The following SHISA9 variants were observed in gnomAD, a reference collection of about 807,000 sequenced individuals.
SHISA9 encodes the protein protein shisa-9.
Under a neutral mutation model 38.0 loss-of-function variants are expected in SHISA9, and 13 were observed. That is an observed-to-expected ratio of 0.34 (90% CI 0.22 to 0.54). SHISA9 has a LOEUF of 0.54. SHISA9 is among the 20% of genes least tolerant of loss of function. SHISA9 has a pLI of 0.91. For synonymous variants in SHISA9, 275 were observed against 242.0 expected (o/e 1.14, Z -1.27); for missense variants, 538 against 575.8 (o/e 0.93, Z 0.67).
At chr16:12,903,943 T>C (rs995989607) in intron 1 of SHISA9, among the ~76,000 whole-genome samples, 99 of 132,750 alleles carry the variant, frequency 7.5e-4, no homozygotes, top group Non-Finnish European at 1.5e-3. Flanking sequence ...CCGATGAGAT[T>C]TTTTTTTTTC....
chr16:13,544,397 G>GT, the SHISA9 span, among the ~76,000 whole-genome samples: 1 of 133,756 alleles, frequency 7.5e-6, no homozygotes, highest in East Asian at 2.2e-4. Context: ...TAGTTTTTCG[G>GT]TTTTTTGTTT....
intron 2 of SHISA9, among the ~76,000 whole-genome samples, chr16:13,182,631 A>G (rs2142032688): frequency 6.6e-6 from 1 of 152,314 alleles, no homozygotes; most frequent in South Asian, 2.1e-4. Flanking sequence ...CAGATATACA[A>G]ACTAAGATGT....
chr16:12,923,320 T>A (rs912301749), intron 2 of SHISA9, among the ~76,000 whole-genome samples: 16 of 152,186 alleles, frequency 1.1e-4, no homozygotes, highest in African/African-American at 3.9e-4. Flanking sequence ...CTTGAGGCCA[T>A]GAGTTTGAGA....
chr16:13,159,002 A>G (rs1215177176), intron 2 of SHISA9, among the ~76,000 whole-genome samples: 2 of 150,646 alleles, frequency 1.3e-5, no homozygotes, highest in Non-Finnish European at 1.5e-5. Context: ...GGAGGTTGCA[A>G]TGAGCTGAAA....
chr16:12,942,566 C>T (rs2071625497), intron 2 of SHISA9, among the ~76,000 whole-genome samples: 2 of 152,204 alleles, frequency 1.3e-5, no homozygotes, highest in Admixed American at 1.3e-4. Context: ...CCATATCTCC[C>T]AGTAGTTCCT....
intron 2 of SHISA9, among the ~76,000 whole-genome samples, chr16:12,975,538 C>G (rs2072147272): frequency 6.6e-6 from 1 of 150,510 alleles, no homozygotes; most frequent in African/African-American, 2.4e-5. Context: ...GTTATTAGCT[C>G]TGTCAGAATA....
the SHISA9 span, among the ~76,000 whole-genome samples, chr16:13,341,372 A>G: frequency 2.6e-5 from 4 of 152,118 alleles, no homozygotes; most frequent in African/African-American, 7.2e-5. Context: ...GTTTTGTTTA[A>G]TCTTGTATGA....
At chr16:12,921,834 G>A (rs975367453) in intron 2 of SHISA9, among the ~76,000 whole-genome samples, 4 of 152,024 alleles carry the variant, frequency 2.6e-5, no homozygotes, top group Admixed American at 6.6e-5. Context: ...AGTATAGATC[G>A]AGGCATATAT....
chr16:13,240,602 T>G (rs1364666045), downstream of SHISA9, among the ~76,000 whole-genome samples: 2 of 152,212 alleles, frequency 1.3e-5, no homozygotes, highest in Non-Finnish European at 2.9e-5. Flanking sequence ...ACTTTGTGTT[T>G]GAAGCGTTTT....
intron 2 of SHISA9, among the ~76,000 whole-genome samples, chr16:13,037,552 G>C (rs927352271): frequency 6.6e-6 from 1 of 152,078 alleles, no homozygotes; most frequent in Non-Finnish European, 1.5e-5. Context: ...AATGGGGGCA[G>C]AGATGAACTC....
At chr16:13,392,178 TA>T in the SHISA9 span, among the ~76,000 whole-genome samples, 1 of 152,164 alleles carries the variant, frequency 6.6e-6, no homozygotes, top group Non-Finnish European at 1.5e-5. Context: ...TGTGTCTTCC[TA>T]ATATTCTTAT....
chr16:13,101,192 G>A (rs75659090), intron 2 of SHISA9, among the ~76,000 whole-genome samples: 7,816 of 152,246 alleles, frequency 0.051, 341 homozygotes, highest in Admixed American at 0.14. Flanking sequence ...CTAATGTACA[G>A]CCATGTGACC....
At chr16:13,244,500 A>G (rs926458160), downstream of SHISA9, among the ~76,000 whole-genome samples, 1 of 152,056 alleles carries the variant, frequency 6.6e-6, no homozygotes, top group Non-Finnish European at 1.5e-5. Flanking sequence ...TTTAAATAAG[A>G]TTTTCTTTTT....
At chr16:13,096,156 G>A (rs554027173) in intron 2 of SHISA9, among the ~76,000 whole-genome samples, 44 of 152,284 alleles carry the variant, frequency 2.9e-4, no homozygotes, top group African/African-American at 4.8e-4. Context: ...ATAATCATAT[G>A]TATGTCATAG....
chr16:13,524,426 A>T, the SHISA9 span, among the ~76,000 whole-genome samples: 3 of 152,236 alleles, frequency 2.0e-5, no homozygotes, highest in Non-Finnish European at 4.4e-5. Context: ...CAGAGGCAAA[A>T]GTAAGCAGCG....
At chr16:13,130,973 A>G (rs181157065) in intron 2 of SHISA9, among the ~76,000 whole-genome samples, 1 of 152,320 alleles carries the variant, frequency 6.6e-6, no homozygotes, top group African/African-American at 2.4e-5. Flanking sequence ...ACAGATACTG[A>G]TGAGGTTGTG....
intron 1 of SHISA9, among the ~76,000 whole-genome samples, chr16:12,913,376 T>A (rs1180485645): frequency 3.9e-5 from 6 of 152,166 alleles, no homozygotes; most frequent in Admixed American, 3.9e-4. Context: ...ATTGTATTTT[T>A]AGTAGAGATG....
rs965689455 is a variant in SHISA9, at chr16:13,148,704, C to CACACAT, written c.692-54685_692-54684insTACACA. 5.9e-5 allele frequency among the ~76,000 whole-genome samples: 8 copies of CACACAT among 135,840 alleles called. 1 individual carries two copies. The highest frequency in any genetic ancestry group is 2.5e-4 in the African/African-American group (8 of 31,924). The allele number at this position is 135,840 out of a possible 152,430, so 89.1% of individuals were successfully genotyped here. The stretch of plus-strand genomic sequence containing the variant: ...ACATACACAAGCACACACACACACA[C>CACACAT]ACACACACACACACATCATGACTAT... On this transcript the variant is annotated intron_variant, in intron 2 of 4. Transcript: ENST00000558583.
chr16:12,960,136 C>T (rs2071889737), intron 2 of SHISA9, among the ~76,000 whole-genome samples: 1 of 152,170 alleles, frequency 6.6e-6, no homozygotes, highest in Non-Finnish European at 1.5e-5. Flanking sequence ...ATCATGCAGC[C>T]TTGAACCCTG....
Sources: gnomAD v4.1 joint callset for allele counts (sites outside exome capture counted in the v4.1 genomes callset) on GRCh38, gnomAD v4.1.1 for gene constraint, MANE v1.5 for transcripts, NCBI Gene and HGNC (gene_info 2026-07-23, HGNC 2026-07-21) for gene names.